The following F8 variants were observed in gnomAD, a reference collection of about 807,000 sequenced individuals.
The protein encoded by F8 is coagulation factor VIII.
F8 carries 12 observed loss-of-function variants against 140.6 expected under a neutral mutation model. The observed-to-expected ratio is 0.09, with a 90% CI of 0.05 to 0.14. F8 has a LOEUF of 0.14. F8 is among the 10% of genes least tolerant of loss of function. F8 has a pLI of 1.00. For missense variants in F8, 1,354 were observed against 1,720.7 expected (o/e 0.79, Z 3.77); for synonymous variants, 585 against 614.6 (o/e 0.95, Z 0.71).
chrX:154,938,984 A>C (rs1557279429), intron 13 of F8, among the ~76,000 whole-genome samples: 1 of 111,556 alleles, frequency 9.0e-6, no homozygotes, highest in African/African-American at 3.3e-5. Context: ...ACAAGAGCAC[A>C]AAAGGTAGGA....
chrX:154,931,103 T>C lies in F8; in HGVS notation c.2687A>G (p.Lys896Arg). Residue 896 changes from lysine (K) to arginine (R), a missense_variant, in exon 14 of 26, where the codon AAA (lysine) becomes AGA (arginine). By Grantham distance (26) the Lys-to-Arg change is conservative (BLOSUM62 2). This residue lies in a region of F8 where 658 missense variants were observed against 666.5 expected (regional missense o/e 0.99). Transcript: ENST00000360256. ...CAGATTATTTGATGTACTAGAAACTTTGAAATCAAGTTTCTTCAACTCTGT... is the reference window on the plus strand; with the variant it reads ...CAGATTATTTGATGTACTAGAAACTCTGAAATCAAGTTTCTTCAACTCTGT... Reference protein sequence around the residue: ...AATELKKLDFKVSSTSNNLIS... With the variant: ...AATELKKLDFRVSSTSNNLIS... The C allele has an allele frequency of 8.3e-7, 1 of 1,207,789 alleles. No individual in the cohort carries two copies. The highest frequency in any genetic ancestry group is 2.3e-4 in the Middle Eastern group (1 of 4,320).
intron 13 of F8, among the ~76,000 whole-genome samples, chrX:154,942,814 C>T (rs1278294995): frequency 1.9e-5 from 2 of 106,089 alleles, no homozygotes; most frequent in African/African-American, 6.9e-5. Context: ...AAAAGCTTAT[C>T]CACCATGATC....
chrX:154,851,578 G>A (rs781857178), intron 25 of F8, among the ~76,000 whole-genome samples: 7 of 104,894 alleles, frequency 6.7e-5, no homozygotes, highest in Non-Finnish European at 1.4e-4. Flanking sequence ...TTTTGTTTTT[G>A]TTTTTTTTTT....
At chrX:154,909,067 C>T in intron 14 of F8, 1 of 269,441 alleles carries the variant, frequency 3.7e-6, no homozygotes, top group South Asian at 4.5e-5. Context: ...AGCCATATTG[C>T]CATGATAAAC....
intron 1 of F8, among the ~76,000 whole-genome samples, chrX:155,000,254 T>C (rs2073639584): frequency 8.9e-6 from 1 of 112,355 alleles, no homozygotes. Flanking sequence ...TTAGCATGTC[T>C]GGGGGCCTCC....
chrX:154,957,032 C>G lies in F8; in HGVS notation c.1677G>C (p.Glu559Asp). ...CAATGAGTCCTGAAGCTAGATCTCT[C>G]TCCATATTAACGAAACTAGAGTAAT... ...TRYYSSFVNM[E>D]RDLASGLIGP... Residue 559 changes from glutamate to aspartate, a missense_variant, in exon 11 of 26, where the codon GAG (glutamate) becomes GAC (aspartate). Around this residue, in one of 4 missense-constraint regions of F8, gnomAD observed 252 missense variants for 338.5 expected, o/e 0.74. Transcript: ENST00000360256. 4 of 1,211,052 alleles carry G rather than the reference C, an allele frequency of 3.3e-6. No homozygotes were observed. Among genetic ancestry groups the G allele is most frequent in the Non-Finnish European group, 4.5e-6 (4 of 894,948 alleles).
At chrX:154,967,989 C>A (rs2073434177) in intron 7 of F8, among the ~76,000 whole-genome samples, 1 of 111,431 alleles carries the variant, frequency 9.0e-6, no homozygotes, top group Admixed American at 9.6e-5. Flanking sequence ...AACCAAGGAA[C>A]CTGAGGAGAA....
chrX:154,980,301 T>C (rs2073511081), intron 6 of F8, among the ~76,000 whole-genome samples: 1 of 112,059 alleles, frequency 8.9e-6, no homozygotes, highest in Middle Eastern at 4.6e-3. Flanking sequence ...ATGTCTTGTA[T>C]TGCATGTGTC....
intron 23 of F8, 152 bp from the exon 24 acceptor site, chrX:154,862,018 T>TTTGTC: frequency 1.5e-6 from 1 of 672,852 alleles, no homozygotes; most frequent in Non-Finnish European, 2.2e-6. Context: ...GGTTTTTTGT[T>TTTGTC]TTGTTTTGTT....
At chrX:154,990,824 C>G (rs1235166218) in intron 4 of F8, among the ~76,000 whole-genome samples, 3 of 111,779 alleles carry the variant, frequency 2.7e-5, no homozygotes, top group Non-Finnish European at 3.8e-5. Flanking sequence ...AACTACATAC[C>G]TGGATGTGTA....
chrX:154,863,851 A>C (rs1557273035), intron 22 of F8, among the ~76,000 whole-genome samples: 1 of 110,867 alleles, frequency 9.0e-6, no homozygotes, highest in African/African-American at 3.3e-5. Flanking sequence ...TTAGCTCCAG[A>C]GTTGTTTGTA....
rs782290939 is a variant in F8, at chrX:154,869,722, C to G, written c.6430-6495G>C. Among the ~76,000 whole-genome samples the G allele has an allele frequency of 5.4e-5, 6 of 110,894 alleles. No homozygotes were observed. The East Asian group carries it at 1.7e-3, about 31-fold the overall frequency. ...AGCAGAACTGAAGGAGATAGAGACA[C>G]AAAAAAACCTTCAAAAAATCATTGA... On this transcript the variant is annotated intron_variant, in intron 22 of 25. Transcript: ENST00000360256.
Position 154,881,652 on chromosome X carries a change from C to T in F8, c.6429+14425G>A, listed in dbSNP as rs868914793. On this transcript the variant is annotated intron_variant, in intron 22 of 25. Coordinates refer to ENST00000360256, the MANE Select transcript of F8 (RefSeq NM_000132.4). ...GTACAAAAAGGATCATTTGACAAAA[C>T]GCAGTACCCTTTCATGAAAATAAAT... Among the ~76,000 whole-genome samples the T allele has an allele frequency of 9.9e-3, 1,045 of 105,123 alleles. 6 individuals carry two copies. The highest frequency in any genetic ancestry group is 0.017 in the African/African-American group (475 of 27,744). The allele number at this position is 105,123 out of a possible 115,157, so 91.3% of individuals were successfully genotyped here.
At chrX:154,926,703 A>T (rs1557278106) in intron 14 of F8, among the ~76,000 whole-genome samples, 2 of 111,856 alleles carry the variant, frequency 1.8e-5, no homozygotes, top group Non-Finnish European at 3.8e-5. Context: ...GCCATGGAGA[A>T]GGCTGAGCAA....
intron 14 of F8, among the ~76,000 whole-genome samples, chrX:154,925,708 T>C (rs111615710): frequency 0.01 from 1,152 of 112,949 alleles, 15 homozygotes; most frequent in African/African-American, 0.035. Context: ...GGAATGGCTG[T>C]ATTTACCCAA....
At chrX:155,012,485 A>T (rs1193069534) in intron 1 of F8, among the ~76,000 whole-genome samples, 1 of 110,934 alleles carries the variant, frequency 9.0e-6, no homozygotes, top group African/African-American at 3.3e-5. Context: ...TAATGAAAAA[A>T]AATTCTGTAG....
chrX:154,957,894 AAAAG>A (rs1249141429), intron 10 of F8, among the ~76,000 whole-genome samples: 33 of 109,487 alleles, frequency 3.0e-4, no homozygotes, highest in Admixed American at 6.8e-4. Context: ...AAAAAAAAAA[AAAAG>A]AAAGAAAGAA....
chrX:154,939,377 C>G (rs782377250), intron 13 of F8, among the ~76,000 whole-genome samples: 1 of 112,438 alleles, frequency 8.9e-6, no homozygotes, highest in Non-Finnish European at 1.9e-5. Flanking sequence ...TATCCTGCAC[C>G]TGGCTCAGAG....
intron 6 of F8, among the ~76,000 whole-genome samples, chrX:154,971,166 T>C (rs1358649644): frequency 3.6e-5 from 4 of 111,347 alleles, no homozygotes; most frequent in Non-Finnish European, 7.5e-5. Context: ...TCCCCCAAAA[T>C]TGATTCATAG....
Sources: allele counts gnomAD v4.1 joint callset (sites outside exome capture counted in the v4.1 genomes callset), GRCh38; gene constraint gnomAD v4.1.1; regional missense constraint gnomAD v4.1.1; transcripts MANE v1.5; gene names NCBI Gene and HGNC (gene_info 2026-07-23, HGNC 2026-07-21).